The following CFAP58 variants were observed in gnomAD, a reference collection of about 807,000 sequenced individuals.
CFAP58 encodes the protein cilia- and flagella-associated protein 58.
In CFAP58, 88 loss-of-function variants were observed where a neutral mutation model predicts 119.5. The observed-to-expected ratio is 0.74, with a 90% CI of 0.62 to 0.88. CFAP58 has a LOEUF of 0.88. Ranked by LOEUF, CFAP58 falls within the 40% of genes least tolerant of loss-of-function variation. The pLI, the probability that CFAP58 is intolerant of heterozygous loss-of-function variation, is 0.00. For missense variants in CFAP58, 990 were observed against 1,021.2 expected, an observed-to-expected ratio of 0.97 and a Z score of 0.42; for synonymous variants, 365 against 366.3, an observed-to-expected ratio of 1.00 and a Z score of 0.04.
At chr10:104,413,752 G>C (rs7092069) in intron 15 of CFAP58, among the ~76,000 whole-genome samples, 5,256 of 143,184 alleles carry the variant, frequency 0.037, 312 homozygotes, top group African/African-American at 0.13. Flanking sequence ...TCATCATCAA[G>C]ATGGCATTTC....
chr10:104,366,951 T>G (rs2014758909), intron 5 of CFAP58, among the ~76,000 whole-genome samples: 3 of 152,134 alleles, frequency 2.0e-5, no homozygotes, highest in Non-Finnish European at 2.9e-5. Flanking sequence ...CACTGCAACC[T>G]CCACCTCCTG....
At position 104,358,051 on chromosome 10, in the gene CFAP58, A is replaced by G. The variant is rs147507128; in HGVS notation, c.10-290A>G. Among the ~76,000 whole-genome samples the G allele has an allele frequency of 8.5e-4, 127 of 149,686 alleles. 2 individuals carry two copies. The highest frequency in any genetic ancestry group is 3.1e-3 in the African/African-American group (124 of 40,442). ...TATACATATGTACATATACACACAT[A>G]TATGTACATATATACACATATGTAC... On this transcript the variant is annotated intron_variant, in intron 1 of 17. Transcript: ENST00000369704.
At chr10:104,396,419 AGAGAGAGAGAG>A in intron 11 of CFAP58, among the ~76,000 whole-genome samples, 2 of 140,764 alleles carry the variant, frequency 1.4e-5, no homozygotes, top group Non-Finnish European at 3.0e-5. Context: ...AGAGAGAGAG[AGAGAGAGAGAG>A]AGAGAGAGAA....
At chr10:104,412,008 C>T (rs1295490710) in intron 15 of CFAP58, among the ~76,000 whole-genome samples, 1 of 152,134 alleles carries the variant, frequency 6.6e-6, no homozygotes, top group Non-Finnish European at 1.5e-5. Context: ...GGGAGAGCTG[C>T]AATATATATC....
At chr10:104,451,895 A>AT (rs57385012) in intron 17 of CFAP58, among the ~76,000 whole-genome samples, 42,176 of 143,806 alleles carry the variant, frequency 0.29, 6,106 homozygotes, top group African/African-American at 0.35. Flanking sequence ...TGCCCAGCTA[A>AT]TTTTTTTTTT....
At chr10:104,432,881 G>A (rs997227745) in intron 15 of CFAP58, among the ~76,000 whole-genome samples, 3 of 152,174 alleles carry the variant, frequency 2.0e-5, no homozygotes, top group African/African-American at 4.8e-5. Context: ...ATGTATTAAA[G>A]GCTTTATAAT....
chr10:104,377,455 A>T (rs1484026115), intron 8 of CFAP58, among the ~76,000 whole-genome samples: 1 of 152,208 alleles, frequency 6.6e-6, no homozygotes, highest in Non-Finnish European at 1.5e-5. Context: ...AGATCTGAAG[A>T]TTCTCCATTA....
intron 7 of CFAP58, among the ~76,000 whole-genome samples, chr10:104,373,725 A>AAATAGAAATGAAATAG (rs1183071695): frequency 6.6e-6 from 1 of 152,204 alleles, no homozygotes; most frequent in African/African-American, 2.4e-5. Context: ...AAACATATGA[A>AAATAGAAATGAAATAG]AATAGAAATG....
chr10:104,454,876 A>G lies in CFAP58; in HGVS notation c.*346A>G, dbSNP rs117644550. The G allele has an allele frequency of 5.5e-4, 99 of 179,946 alleles. 1 individual carries two copies. In the East Asian group the frequency reaches 6.8e-3, roughly 12 times the overall value. The allele number at this position is 179,946 out of a possible 1,614,324, so 11.1% of individuals were successfully genotyped here. On this transcript the variant is annotated 3_prime_UTR_variant, in exon 18 of 18. Transcript: ENST00000369704. ...TATTTAAAAGTATTTTTGAAATGCA[A>G]TGTGTCCCCTCTCACCTTATTAACA...
intron 10 of CFAP58, 96 bp from the exon 11 acceptor site, chr10:104,393,233 A>G (rs779739165): frequency 1.3e-4 from 138 of 1,098,610 alleles, no homozygotes; most frequent in Non-Finnish European, 1.8e-4. Flanking sequence ...TTGTTTTGAG[A>G]GAGCGTCCCT....
chr10:104,394,248 A>G (rs2012108742), intron 11 of CFAP58, among the ~76,000 whole-genome samples: 1 of 152,214 alleles, frequency 6.6e-6, no homozygotes, highest in South Asian at 2.1e-4. Flanking sequence ...ATCCAGTCCA[A>G]TAGATTTCCC....
intron 15 of CFAP58, among the ~76,000 whole-genome samples, chr10:104,437,033 C>T (rs2012946548): frequency 6.6e-6 from 1 of 152,208 alleles, no homozygotes; most frequent in African/African-American, 2.4e-5. Context: ...ATTTCTATCT[C>T]AGTCATTGAA....
At chr10:104,400,192 G>C (rs1046512771) in intron 12 of CFAP58, among the ~76,000 whole-genome samples, 2 of 152,112 alleles carry the variant, frequency 1.3e-5, no homozygotes, top group African/African-American at 4.8e-5. Context: ...TGTCACCCAG[G>C]CTGGAGTGTG....
At chr10:104,414,053 T>C (rs1201448936) in intron 15 of CFAP58, among the ~76,000 whole-genome samples, 1 of 152,142 alleles carries the variant, frequency 6.6e-6, no homozygotes, top group Non-Finnish European at 1.5e-5. Flanking sequence ...AGGCGCCTCA[T>C]AGTCAGAGGC....
At chr10:104,447,513 C>A (rs1401462572) in intron 15 of CFAP58, among the ~76,000 whole-genome samples, 185 bp from the exon 16 acceptor site, 3 of 152,132 alleles carry the variant, frequency 2.0e-5, no homozygotes, top group Non-Finnish European at 4.4e-5. Context: ...ATGTTGGGGA[C>A]ATTCCCAGCC....
Position 104,381,666 on chromosome 10 carries a change from C to A in CFAP58, c.1365+1446C>A, listed in dbSNP as rs150415299. Among the ~76,000 whole-genome samples, 203 of 152,032 alleles carry A rather than the reference C, an allele frequency of 1.3e-3. 1 individual carries two copies. The highest frequency in any genetic ancestry group is 4.3e-3 in the African/African-American group (178 of 41,462). ...GTCAAAGAAGGTGACAAGGGACAGC[C>A]AATATTTGTATTACAGAAATAAAGA... On this transcript the variant is annotated intron_variant, in intron 9 of 17. Coordinates refer to ENST00000369704, the MANE Select transcript of CFAP58 (RefSeq NM_001008723.2).
chr10:104,387,235 C>A (rs2011942695), intron 9 of CFAP58, among the ~76,000 whole-genome samples: 1 of 152,194 alleles, frequency 6.6e-6, no homozygotes, highest in Non-Finnish European at 1.5e-5. Context: ...TATTCACACA[C>A]CTGCAGTTGA....
At chr10:104,395,442 G>A (rs1252798397) in intron 11 of CFAP58, among the ~76,000 whole-genome samples, 1 of 152,162 alleles carries the variant, frequency 6.6e-6, no homozygotes, top group East Asian at 1.9e-4. Context: ...GAACTGGGAT[G>A]CCCTTTCTCC....
chr10:104,355,497 C>G (rs1212855832), intron 1 of CFAP58, among the ~76,000 whole-genome samples: 1 of 152,220 alleles, frequency 6.6e-6, no homozygotes, highest in Non-Finnish European at 1.5e-5. Flanking sequence ...CCTCAGCCAA[C>G]TTTCTCGATT....
Sources: allele counts gnomAD v4.1 joint callset (sites outside exome capture counted in the v4.1 genomes callset), GRCh38; gene constraint gnomAD v4.1.1; transcripts MANE v1.5; gene names NCBI Gene and HGNC (gene_info 2026-07-23, HGNC 2026-07-21).